Variants in CABIN1 observed in about 807,000 individuals in gnomAD.
The protein encoded by CABIN1 is calcineurin binding protein 1, also known as calcineurin-binding protein cabin-1.
In CABIN1, 133 loss-of-function variants were observed where a neutral mutation model predicts 227.7. The observed-to-expected ratio is 0.58, with a 90% CI of 0.51 to 0.67. The LOEUF (loss-of-function observed/expected upper bound fraction) is 0.67. Ranked by LOEUF, CABIN1 falls within the 30% of genes least tolerant of loss-of-function variation. CABIN1 has a pLI of 0.00. For missense variants in CABIN1, 2,408 were observed against 2,852.5 expected (o/e 0.84, Z 3.55); for synonymous variants, 1,086 against 1,155.1 (o/e 0.94, Z 1.21).
intron 4 of CABIN1, 121 bp from the exon 5 acceptor site, chr22:24,041,018 G>A (rs1386658052): frequency 2.3e-5 from 27 of 1,183,592 alleles, no homozygotes; most frequent in East Asian, 2.3e-5. Flanking sequence ...TTCCAGTGGT[G>A]GACAACACTA....
At chr22:24,109,400 A>G (rs979321056) in intron 26 of CABIN1, among the ~76,000 whole-genome samples, 4 of 150,954 alleles carry the variant, frequency 2.6e-5, no homozygotes, top group African/African-American at 9.8e-5. Flanking sequence ...TTTTTTGTAC[A>G]GACGGGCATC....
chr22:24,048,132 CAT>C lies in CABIN1; in HGVS notation c.527-958_527-957del, dbSNP rs2038038767. ...TTATGACATTAACTTGAGTGATGTA[CAT>C]GTCTTAAATTGTAGGCAGTAGCTTT... On this transcript the variant is annotated intron_variant, in intron 6 of 36. Coordinates refer to ENST00000263119, the MANE Select transcript of CABIN1 (RefSeq NM_012295.4). Among the ~76,000 whole-genome samples, 3 of 152,070 alleles carry C rather than the reference CAT, an allele frequency of 2.0e-5. No homozygotes were observed. The South Asian group carries it at 6.2e-4, about 32-fold the overall frequency.
chr22:24,136,278 T>C (rs2044389016), intron 29 of CABIN1, among the ~76,000 whole-genome samples: 1 of 151,830 alleles, frequency 6.6e-6, no homozygotes, highest in Non-Finnish European at 1.5e-5. Context: ...AACCCACCCA[T>C]TCTTTTTGAT....
At chr22:24,059,496 T>G in intron 11 of CABIN1, 133 bp downstream of exon 11, 1 of 1,079,602 alleles carries the variant, frequency 9.3e-7, no homozygotes, top group Non-Finnish European at 1.4e-6. Context: ...CCTGGATTAG[T>G]CTTGGACCTA....
At chr22:24,123,934 G>T (rs2043567364) in intron 28 of CABIN1, among the ~76,000 whole-genome samples, 1 of 152,244 alleles carries the variant, frequency 6.6e-6, no homozygotes, top group Admixed American at 6.5e-5. Context: ...AGCCTGCCTG[G>T]AGCTGTGTGG....
chr22:24,119,590 C>CA lies in CABIN1; in HGVS notation c.4525dup (p.Thr1509AsnfsTer20). ...GTGCTGAGGAGCAGCGGCAGTTTCT[C>CA]ACAGAGCAGTGCATCGCCTCCTTCC... is the stretch of plus-strand genomic sequence containing the variant. On this transcript the variant is annotated frameshift_variant, in exon 28 of 37. Transcript: ENST00000263119. LOFTEE classifies it high-confidence loss of function. The CA allele has an allele frequency of 6.2e-7, 1 of 1,613,592 alleles. No individual in the cohort carries two copies. The highest frequency in any genetic ancestry group is 8.5e-7 in the Non-Finnish European group (1 of 1,179,914).
At position 24,083,448 on chromosome 22, in the gene CABIN1, A is replaced by G. The variant is rs556704814; in HGVS notation, c.2910+59A>G. ...AAGCAGGAGCTGTAAGCTCTTTTGAAGGATGTCATATTTGTCAACAGTCAT... is the reference window on the plus strand; with the variant it reads ...AAGCAGGAGCTGTAAGCTCTTTTGAGGGATGTCATATTTGTCAACAGTCAT... On this transcript the variant is annotated intron_variant, in intron 20 of 36. Coordinates refer to ENST00000263119, the MANE Select transcript of CABIN1 (RefSeq NM_012295.4). The G allele has an allele frequency of 6.9e-6, 11 of 1,585,896 alleles. No individual in the cohort carries two copies. In the African/African-American group the frequency reaches 1.3e-4, roughly 19 times the overall value.
intron 29 of CABIN1, among the ~76,000 whole-genome samples, chr22:24,146,127 A>G (rs2045099992): frequency 6.6e-6 from 1 of 152,246 alleles, no homozygotes; most frequent in Non-Finnish European, 1.5e-5. Flanking sequence ...ATCATAGGAC[A>G]GAAAAGAAAG....
Position 24,177,694 on chromosome 22 carries a change from G to A in CABIN1, c.6396G>A (p.Met2132Ile). 3 of 1,613,670 alleles carry A rather than the reference G, an allele frequency of 1.9e-6. No homozygotes were observed. Among genetic ancestry groups the A allele is most frequent in the African/African-American group, 2.7e-5 (2 of 74,990 alleles). ...SRAKSRPLPN[M>I]PKLVIPSAAT... ...CTAAGTCCCGCCCCCTGCCCAACAT[G>A]CCAAAGCTGGTCATCCCCTCCGCCG... Residue 2132 changes from methionine to isoleucine, a missense_variant, in exon 36 of 37, where the codon ATG becomes ATA. By Grantham distance (10) the Met-to-Ile change is conservative (BLOSUM62 1). This residue lies in a region of CABIN1 where 714 missense variants were observed against 773.8 expected (regional missense o/e 0.92). Transcript: ENST00000263119. The surrounding 1 kb of genome is among the most constrained non-coding windows in gnomAD (Gnocchi z 4.4).
At chr22:24,094,292 A>G (rs931023608) in intron 24 of CABIN1, among the ~76,000 whole-genome samples, 3 of 152,112 alleles carry the variant, frequency 2.0e-5, no homozygotes, top group Admixed American at 6.5e-5. Flanking sequence ...TTTGGCCTCT[A>G]CTACTGCCTG....
chr22:24,164,360 C>T, intron 29 of CABIN1, 40 bp from the exon 30 acceptor site: 1 of 1,599,108 alleles, frequency 6.3e-7, no homozygotes, highest in Non-Finnish European at 8.5e-7. Flanking sequence ...GCTCCTGCCA[C>T]AACCACCCCC....
chr22:24,156,281 C>T (rs2045802415), intron 29 of CABIN1, among the ~76,000 whole-genome samples: 1 of 152,204 alleles, frequency 6.6e-6, no homozygotes. Context: ...GTGGTTTCCC[C>T]GGCGCCCCCG....
chr22:24,157,623 T>C (rs1000735756), intron 29 of CABIN1, among the ~76,000 whole-genome samples: 1 of 151,604 alleles, frequency 6.6e-6, no homozygotes, highest in Admixed American at 6.6e-5. Context: ...GGAGATGAAG[T>C]TTGCCCTACA....
chr22:24,065,425 G>A (rs1259508448), intron 15 of CABIN1, among the ~76,000 whole-genome samples: 7 of 150,918 alleles, frequency 4.6e-5, no homozygotes, highest in African/African-American at 1.2e-4. Flanking sequence ...GGGCAGAGGC[G>A]CTCCCCACAT....
chr22:24,124,713 A>C (rs2043613786), intron 28 of CABIN1, among the ~76,000 whole-genome samples: 1 of 152,138 alleles, frequency 6.6e-6, no homozygotes, highest in African/African-American at 2.4e-5. Context: ...ACCTCTTGTC[A>C]TGAAGGTTCT....
Position 24,063,157 on chromosome 22 carries a change from T to C in CABIN1, c.1884+11T>C. 6.2e-7 allele frequency: 1 copy of C among 1,613,880 alleles called. No individual in the cohort carries two copies. The highest frequency in any genetic ancestry group is 8.5e-7 in the Non-Finnish European group (1 of 1,179,824). ...TTCCTGGCGCTGCAGGTTAGTTCCA[T>C]GGTCAGCTGCTTGGGGAGCATGCCC... On this transcript the variant is annotated intron_variant, in intron 14 of 36. Transcript: ENST00000263119.
At chr22:24,066,901 G>T in intron 15 of CABIN1, 86 bp from the exon 16 acceptor site, 1 of 1,299,952 alleles carries the variant, frequency 7.7e-7, no homozygotes, top group Non-Finnish European at 1.1e-6. Context: ...CCTCATCCAA[G>T]TCTGATAAAA....
At chr22:24,044,690 T>A (rs543310707) in intron 6 of CABIN1, among the ~76,000 whole-genome samples, 1 of 152,316 alleles carries the variant, frequency 6.6e-6, no homozygotes, top group South Asian at 2.1e-4. Context: ...TTCTACCTTC[T>A]ACCAAACACT....
At position 24,165,536 on chromosome 22, in the gene CABIN1, T is replaced by C. The variant is rs753293336; in HGVS notation, c.4917T>C (p.Tyr1639=). 1 of 1,612,472 alleles carries C rather than the reference T, an allele frequency of 6.2e-7. No homozygotes were observed. The highest frequency in any genetic ancestry group is 8.5e-7 in the Non-Finnish European group (1 of 1,179,776). ...TACCCCTGTATGACCGCAGGAAGTA[T>C]CTGCGAGATGCTGACCGCCAGGTCC... ...LQRTPDQGKK[Y]LRDADRQVLA... Residue 1639 remains tyrosine (Y), a synonymous_variant, in exon 31 of 37, where the codon TAT becomes TAC. Transcript: ENST00000263119.
Sources: allele counts gnomAD v4.1 joint callset (sites outside exome capture counted in the v4.1 genomes callset), GRCh38; gene constraint gnomAD v4.1.1; regional missense constraint gnomAD v4.1.1; non-coding constraint Gnocchi (gnomAD v3.1); transcripts MANE v1.5; gene names NCBI Gene and HGNC (gene_info 2026-07-23, HGNC 2026-07-21).